The following ZNF33A variants were observed in gnomAD, a reference collection of about 807,000 sequenced individuals.
The protein encoded by ZNF33A is brain my041 protein.
A neutral mutation model predicts 15.9 loss-of-function variants in ZNF33A; 9 were observed. The ratio of observed to expected loss-of-function variants is 0.57; its 90% CI spans 0.34 to 0.99. ZNF33A has a LOEUF of 0.99. ZNF33A is among the 50% of genes least tolerant of loss of function. The pLI, the probability that ZNF33A is intolerant of heterozygous loss-of-function variation, is 0.02. For synonymous variants in ZNF33A, 294 were observed against 324.2 expected, an observed-to-expected ratio of 0.91 and a Z score of 1.00; for missense variants, 843 against 941.6, an observed-to-expected ratio of 0.90 and a Z score of 1.37.
intron 3 of ZNF33A, 98 bp downstream of exon 3, chr10:38,017,113 T>A: frequency 6.6e-7 from 1 of 1,508,968 alleles, no homozygotes; most frequent in South Asian, 1.3e-5. Context: ...TATTTAAGGT[T>A]AGGCTTCAGG....
At chr10:38,062,711 A>G (rs912662296), downstream of ZNF33A, among the ~76,000 whole-genome samples, 1 of 151,906 alleles carries the variant, frequency 6.6e-6, no homozygotes, top group Non-Finnish European at 1.5e-5. Context: ...CTGTCTCTTT[A>G]AAAAACAAAA....
intron 1 of ZNF33A, among the ~76,000 whole-genome samples, chr10:38,010,989 G>A (rs1485844044): frequency 6.6e-6 from 1 of 152,188 alleles, no homozygotes; most frequent in Non-Finnish European, 1.5e-5. Context: ...GGTACGCAGC[G>A]TGTGTCGCCC....
At chr10:38,020,239 T>C (rs937687699) in intron 4 of ZNF33A, among the ~76,000 whole-genome samples, 7 of 152,206 alleles carry the variant, frequency 4.6e-5, no homozygotes, top group African/African-American at 1.7e-4. Context: ...TTTTTAATTT[T>C]TGTGAGTACA....
chr10:38,040,368 GT>G (rs2065645079), intron 4 of ZNF33A, among the ~76,000 whole-genome samples: 1 of 152,122 alleles, frequency 6.6e-6, no homozygotes, highest in South Asian at 2.1e-4. Context: ...GTGCCCAGTT[GT>G]CCTAACCATT....
intron 4 of ZNF33A, among the ~76,000 whole-genome samples, chr10:38,022,835 A>G (rs1203999800): frequency 3.9e-5 from 6 of 152,178 alleles, no homozygotes; most frequent in East Asian, 1.9e-4. Context: ...CAAAAAACCA[A>G]TTTCCAAGTA....
At chr10:38,042,101 C>G (rs1179291347) in intron 4 of ZNF33A, among the ~76,000 whole-genome samples, 3 of 151,912 alleles carry the variant, frequency 2.0e-5, no homozygotes, top group African/African-American at 7.2e-5. Flanking sequence ...TCTTATTCAT[C>G]ATTTCTGCTT....
intron 4 of ZNF33A, among the ~76,000 whole-genome samples, chr10:38,048,379 A>G (rs2066051802): frequency 6.6e-6 from 1 of 152,238 alleles, no homozygotes; most frequent in Non-Finnish European, 1.5e-5. Context: ...AGTAAAGTAT[A>G]TACTATTGGA....
chr10:38,015,503 A>G (rs755205072), intron 2 of ZNF33A, among the ~76,000 whole-genome samples: 2 of 152,018 alleles, frequency 1.3e-5, no homozygotes, highest in Non-Finnish European at 2.9e-5. Flanking sequence ...TATTTTTAGT[A>G]GAGATGGGGT....
At chr10:38,053,048 T>G (rs1274951852) in intron 4 of ZNF33A, among the ~76,000 whole-genome samples, 1 of 152,132 alleles carries the variant, frequency 6.6e-6, no homozygotes, top group Non-Finnish European at 1.5e-5. Context: ...GATCCAATTT[T>G]CTTTTTTCTT....
chr10:38,017,411 T>G (rs1471778572), intron 4 of ZNF33A, 25 bp downstream of exon 4: 6 of 1,561,998 alleles, frequency 3.8e-6, no homozygotes, highest in Non-Finnish European at 5.3e-6. Context: ...ACTGCACAGA[T>G]TCACATCAGG....
chr10:38,057,852 C>T lies in ZNF33A; in HGVS notation c.*1292C>T. ...GCCCACACATACAGCCCAGGGCTGCCCAGGGCTGTTGGACTGTCATTTCAA... is the reference window on the plus strand; with the variant it reads ...GCCCACACATACAGCCCAGGGCTGCTCAGGGCTGTTGGACTGTCATTTCAA... On this transcript the variant is annotated 3_prime_UTR_variant, in exon 5 of 5. Transcript: ENST00000432900. 1.0e-6 allele frequency: 1 copy of T among 985,368 alleles called. No homozygotes were observed. Among genetic ancestry groups the T allele is most frequent in the Non-Finnish European group, 1.2e-6 (1 of 829,912 alleles). 61.0% of individuals were successfully genotyped at this position (985,368 alleles called of 1,614,324 possible).
chr10:38,017,496 A>T (rs2064514370), intron 4 of ZNF33A, 110 bp downstream of exon 4: 2 of 735,090 alleles, frequency 2.7e-6, no homozygotes, highest in South Asian at 3.9e-5. Flanking sequence ...CTCCATAGGG[A>T]TCCTAACCTC....
Position 38,010,736 on chromosome 10 carries a change from G to T in ZNF33A, c.-92G>T. On this transcript the variant is annotated 5_prime_UTR_variant, in exon 1 of 5. The change creates a new upstream start codon in the 5' untranslated region. Coordinates refer to ENST00000432900, the MANE Select transcript of ZNF33A (RefSeq NM_006954.2). ...GTGGGAGGCGGTCCCGGGATTTCAA[G>T]GGTCTACGCGCTTTTCTATGGCGAA... 5 of 1,598,440 alleles carry T rather than the reference G, an allele frequency of 3.1e-6. No homozygotes were observed. The highest frequency in any genetic ancestry group is 3.4e-6 in the Non-Finnish European group (4 of 1,179,810).
intron 1 of ZNF33A, 62 bp downstream of exon 1, chr10:38,010,845 G>A: frequency 6.9e-6 from 11 of 1,587,620 alleles, no homozygotes; most frequent in Non-Finnish European, 9.4e-6. Flanking sequence ...TGGGGCGGGC[G>A]GCAGGGGGCC....
intron 4 of ZNF33A, among the ~76,000 whole-genome samples, chr10:38,037,481 G>C (rs2065505026): frequency 6.6e-6 from 1 of 151,940 alleles, no homozygotes. Flanking sequence ...GCGCCACCAT[G>C]CTTGGCTAAT....
chr10:38,060,164 C>T (rs2066638214), downstream of ZNF33A: 1 of 842,310 alleles, frequency 1.2e-6, no homozygotes, highest in African/African-American at 1.8e-5. Flanking sequence ...TTTTGTACAT[C>T]CTTAATATAT....
intron 4 of ZNF33A, among the ~76,000 whole-genome samples, chr10:38,031,885 C>CCCGGG (rs1293331341): frequency 1.3e-5 from 2 of 152,142 alleles, no homozygotes; most frequent in African/African-American, 4.8e-5. Flanking sequence ...ATTGCTTGAA[C>CCCGGG]CCGGGAGGCG....
chr10:38,015,972 A>T (rs2064435259), intron 2 of ZNF33A: 2 of 1,231,150 alleles, frequency 1.6e-6, no homozygotes, highest in Non-Finnish European at 1.0e-6. Flanking sequence ...CACAGCAGTG[A>T]TCCCTAAAAG....
chr10:38,014,681 G>A (rs2064364320), intron 2 of ZNF33A, among the ~76,000 whole-genome samples: 2 of 152,092 alleles, frequency 1.3e-5, no homozygotes, highest in African/African-American at 4.8e-5. Context: ...TTTGGGCTAT[G>A]TTCTGTTGGT....
Sources: gnomAD v4.1 joint callset for allele counts (sites outside exome capture counted in the v4.1 genomes callset) on GRCh38, gnomAD v4.1.1 for gene constraint, MANE v1.5 for transcripts, NCBI Gene and HGNC (gene_info 2026-07-23, HGNC 2026-07-21) for gene names.